PCLO: variants seen among roughly 807,000 people sequenced by gnomAD.
The protein encoded by PCLO is protein piccolo.
In PCLO, 82 loss-of-function variants were observed where a neutral mutation model predicts 427.5. That is an observed-to-expected ratio of 0.19 (90% CI 0.16 to 0.23). The LOEUF (loss-of-function observed/expected upper bound fraction) is 0.23, where lower values mean the gene tolerates loss of function less well. Among genes scored for constraint, PCLO ranks in the 10% least tolerant of loss-of-function variants. The pLI, the probability that PCLO is intolerant of heterozygous loss-of-function variation, is 1.00. For synonymous variants in PCLO, 2,357 were observed against 2,155.4 expected (o/e 1.09, Z -2.59); for missense variants, 6,239 against 6,115.9 (o/e 1.02, Z -0.67).
chr7:82,944,864 C>T (rs1795165738), intron 6 of PCLO, among the ~76,000 whole-genome samples: 1 of 152,174 alleles, frequency 6.6e-6, no homozygotes, highest in Admixed American at 6.5e-5. Flanking sequence ...TTCACTTAAT[C>T]TTTACAAATA....
chr7:82,862,459 A>G (rs1191628095), intron 10 of PCLO, among the ~76,000 whole-genome samples: 1 of 151,780 alleles, frequency 6.6e-6, no homozygotes, highest in East Asian at 1.9e-4. Flanking sequence ...GTATATATCC[A>G]AAAGAAGGGA....
intron 10 of PCLO, among the ~76,000 whole-genome samples, chr7:82,857,046 A>C (rs1314217416): frequency 3.9e-5 from 6 of 152,130 alleles, no homozygotes; most frequent in Non-Finnish European, 1.5e-5. Flanking sequence ...ACACAGCAAG[A>C]AGGTCCTCTC....
In PCLO at chr7:82,830,179, T is replaced by C. The variant is rs954185167; in HGVS notation, c.14250-2213A>G. 4.6e-5 allele frequency among the ~76,000 whole-genome samples: 7 copies of C among 151,848 alleles called. No homozygotes were observed. In the East Asian group the frequency reaches 5.8e-4, roughly 13 times the overall value. On this transcript the variant is annotated intron_variant, in intron 16 of 24. Coordinates refer to ENST00000333891, the MANE Select transcript of PCLO (RefSeq NM_033026.6). ...TCTTTTAAAAAATCTAAAACAAATATAGCAAAATCTTAAAATTTGACAAAA... is the reference window on the plus strand; with the variant it reads ...TCTTTTAAAAAATCTAAAACAAATACAGCAAAATCTTAAAATTTGACAAAA...
Position 82,915,609 on chromosome 7 carries a change from T to C in PCLO, c.12377A>G (p.His4126Arg), listed in dbSNP as rs778643722. Residue 4126 changes from histidine to arginine, a missense_variant, in exon 7 of 25, where the codon CAT becomes CGT. His to Arg is a conservative substitution (Grantham distance 29). Around this residue, in one of 5 missense-constraint regions of PCLO, gnomAD observed 680 missense variants for 677.3 expected, o/e 1.00. Transcript: ENST00000333891. ...TCTACGAAATTCCTGTTTAATCTGA[T>C]GTTTCAGAAGCTTTAACTCGTAAGG... ...EDPYELKLLK[H>R]QIKQEFRRGT... 1.9e-6 allele frequency: 3 copies of C among 1,613,562 alleles called. No homozygotes were observed. Among genetic ancestry groups the C allele is most frequent in the South Asian group, 2.2e-5 (2 of 91,072 alleles).
chr7:83,038,398 C>G, intron 3 of PCLO, among the ~76,000 whole-genome samples: 1 of 151,606 alleles, frequency 6.6e-6, no homozygotes, highest in Admixed American at 6.6e-5. Context: ...CATCCTCCTT[C>G]ATCCCTAAGC....
intron 3 of PCLO, among the ~76,000 whole-genome samples, chr7:82,977,538 G>A (rs951887029): frequency 4.0e-5 from 6 of 151,562 alleles, no homozygotes; most frequent in Admixed American, 1.3e-4. Flanking sequence ...TCAGCCTCCC[G>A]AGTAGTTGGG....
At chr7:83,137,343 G>A (rs766362294) in intron 2 of PCLO, among the ~76,000 whole-genome samples, 7 of 152,188 alleles carry the variant, frequency 4.6e-5, no homozygotes, top group African/African-American at 7.2e-5. Context: ...GAACTGAAAC[G>A]TTATACTTCT....
chr7:82,782,599 C>T (rs1235840135), intron 22 of PCLO, among the ~76,000 whole-genome samples: 1 of 151,964 alleles, frequency 6.6e-6, no homozygotes, highest in Non-Finnish European at 1.5e-5. Flanking sequence ...GTTTTCATGT[C>T]ACATATAAAA....
intron 20 of PCLO, among the ~76,000 whole-genome samples, chr7:82,813,709 A>G (rs1310841179): frequency 6.6e-6 from 1 of 151,836 alleles, no homozygotes; most frequent in Non-Finnish European, 1.5e-5. Flanking sequence ...TATTTGCACT[A>G]AAAATAATAT....
Position 82,954,691 on chromosome 7 carries a change from C to T in PCLO, c.6262G>A (p.Gly2088Ser). 1 of 1,613,874 alleles carries T rather than the reference C, an allele frequency of 6.2e-7. No homozygotes were observed. The highest frequency in any genetic ancestry group is 1.1e-5 in the South Asian group (1 of 91,072). Residue 2088 changes from glycine to serine, a missense_variant, in exon 5 of 25, where the codon GGT becomes AGT. By Grantham distance (56) the Gly-to-Ser change is moderately conservative. Around this residue, in one of 5 missense-constraint regions of PCLO, gnomAD observed 4,677 missense variants for 4,468.4 expected, o/e 1.05. Coordinates refer to ENST00000333891, the MANE Select transcript of PCLO (RefSeq NM_033026.6). Reference protein sequence around the residue: ...PGSSPTQAPIGEDMTESTMDF... With the variant: ...PGSSPTQAPISEDMTESTMDF... ...ATGGTGGACTCTGTCATATCCTCAC[C>T]AATGGGGGCCTGGGTTGGGCTAGAT...
intron 3 of PCLO, among the ~76,000 whole-genome samples, chr7:83,008,200 T>C (rs1583901195): frequency 6.6e-6 from 1 of 151,702 alleles, no homozygotes; most frequent in African/African-American, 2.4e-5. Flanking sequence ...AAAGATTGTA[T>C]ATTAGCAATT....
chr7:82,942,008 A>G (rs1016900447), intron 6 of PCLO, among the ~76,000 whole-genome samples: 3 of 152,064 alleles, frequency 2.0e-5, no homozygotes, highest in Non-Finnish European at 2.9e-5. Context: ...GTGAAACCCT[A>G]TCTCTACTAA....
chr7:82,893,250 A>T (rs1793816052), intron 9 of PCLO, among the ~76,000 whole-genome samples: 1 of 152,024 alleles, frequency 6.6e-6, no homozygotes, highest in Non-Finnish European at 1.5e-5. Flanking sequence ...GCCATAAAAA[A>T]TGATGAGTTC....
In PCLO at chr7:82,950,139, A is replaced by C. The variant is rs1434036793; in HGVS notation, c.10449T>G (p.Asp3483Glu). Reference sequence around the variant, plus strand: ...CTTTCCTCCTTGATCTAGTAGGCATATCCCACTCATCCTGATCTTCATCAT... The same window carrying C: ...CTTTCCTCCTTGATCTAGTAGGCATCTCCCACTCATCCTGATCTTCATCAT... The part of the protein sequence containing the change: ...QTDDEDQDEW[D>E]MPTRSRRKAR... Residue 3483 changes from aspartate to glutamate, a missense_variant, in exon 6 of 25, where the codon GAT becomes GAG. Asp to Glu is a conservative substitution (Grantham distance 45). This residue lies in a region of PCLO where 4,677 missense variants were observed against 4,468.4 expected (regional missense o/e 1.05). Coordinates refer to ENST00000333891, the MANE Select transcript of PCLO (RefSeq NM_033026.6). 1 of 1,609,966 alleles carries C rather than the reference A, an allele frequency of 6.2e-7. No homozygotes were observed. The highest frequency in any genetic ancestry group is 1.7e-5 in the Admixed American group (1 of 59,364).
At chr7:83,121,622 T>C (rs1791281473) in intron 3 of PCLO, among the ~76,000 whole-genome samples, 1 of 152,080 alleles carries the variant, frequency 6.6e-6, no homozygotes, top group Non-Finnish European at 1.5e-5. Context: ...ATTCTGCCTA[T>C]AAGAAACTCA....
Position 83,155,281 on chromosome 7 carries a change from C to G in PCLO, c.1360G>C (p.Ala454Pro). ...PGPGKIPAQQAGPGKTSAQQT... is the reference protein window; with the variant it reads ...PGPGKIPAQQPGPGKTSAQQT... ...TGGGCAGAAGTCTTTCCGGGTCCTGCCTGTTGAGCTGGAATCTTTCCTGGC... is the reference window on the plus strand; with the variant it reads ...TGGGCAGAAGTCTTTCCGGGTCCTGGCTGTTGAGCTGGAATCTTTCCTGGC... The change falls in exon 2 of 25, where the codon GCA becomes CCA. Residue 454 changes from alanine to proline, a missense_variant. By Grantham distance (27) the Ala-to-Pro change is conservative (BLOSUM62 -1). Around this residue, in one of 5 missense-constraint regions of PCLO, gnomAD observed 4,677 missense variants for 4,468.4 expected, o/e 1.05. Coordinates refer to ENST00000333891, the MANE Select transcript of PCLO (RefSeq NM_033026.6). 1 of 1,613,678 alleles carries G rather than the reference C, an allele frequency of 6.2e-7. No homozygotes were observed. Among genetic ancestry groups the G allele is most frequent in the Non-Finnish European group, 8.5e-7 (1 of 1,179,812 alleles).
rs958347442 is a variant in PCLO at position 82,943,984 on chromosome 7, A to G, written c.11112+5492T>C. Among the ~76,000 whole-genome samples, 6 of 151,556 alleles carry G rather than the reference A, an allele frequency of 4.0e-5. No homozygotes were observed. In the South Asian group the frequency reaches 1.3e-3, roughly 32 times the overall value. ...ACCAGCCTGGCCAACATCTCTACTA[A>G]AAAGCACAAAAAATTAGCTGGGCGG... is the stretch of plus-strand genomic sequence containing the variant. On this transcript the variant is annotated intron_variant, in intron 6 of 24. Transcript: ENST00000333891.
intron 3 of PCLO, among the ~76,000 whole-genome samples, chr7:83,099,231 G>A (rs942690194): frequency 1.4e-5 from 2 of 145,798 alleles, no homozygotes; most frequent in African/African-American, 5.1e-5. Flanking sequence ...AGGGAGAGTG[G>A]AGGCACGCAG....
chr7:82,921,272 A>G (rs376635737), intron 6 of PCLO, among the ~76,000 whole-genome samples: 1 of 151,344 alleles, frequency 6.6e-6, no homozygotes, highest in African/African-American at 2.4e-5. Flanking sequence ...CAGCTAAAGC[A>G]ATCCTAAGCA....
Sources: gnomAD v4.1 joint callset for allele counts (sites outside exome capture counted in the v4.1 genomes callset) on GRCh38, gnomAD v4.1.1 for gene constraint, gnomAD v4.1.1 regional missense constraint, MANE v1.5 for transcripts, NCBI Gene and HGNC (gene_info 2026-07-23, HGNC 2026-07-21) for gene names.